Variants in HS6ST2 observed in about 807,000 individuals in gnomAD.
HS6ST2 encodes the protein heparan sulfate 6-O-sulfotransferase 2.
HS6ST2 carries 17 observed loss-of-function variants against 33.0 expected under a neutral mutation model. That is an observed-to-expected ratio of 0.52 (90% CI 0.35 to 0.77). The LOEUF (loss-of-function observed/expected upper bound fraction) is 0.77. HS6ST2 is among the 30% of genes least tolerant of loss of function. The pLI, the probability that HS6ST2 is intolerant of heterozygous loss-of-function variation, is 0.01. For missense variants in HS6ST2, 519 were observed against 551.7 expected (o/e 0.94, Z 0.59); for synonymous variants, 248 against 237.1 (o/e 1.05, Z -0.42).
At chrX:132,637,749 T>A (rs1346861413) in intron 4 of HS6ST2, among the ~76,000 whole-genome samples, 36 of 77,916 alleles carry the variant, frequency 4.6e-4, no homozygotes, top group Middle Eastern at 6.3e-3. Context: ...ATATAAAAAA[T>A]ATATATATAA....
chrX:132,937,825 T>C lies in HS6ST2; in HGVS notation c.947+18983A>G, dbSNP rs780358811. Reference sequence around the variant, plus strand: ...TAGGATTTGTCAAGAGAATGCGAGGTTGGCTTACTACCTGTGAGTAAATTA... The same window carrying C: ...TAGGATTTGTCAAGAGAATGCGAGGCTGGCTTACTACCTGTGAGTAAATTA... On this transcript the variant is annotated intron_variant, in intron 2 of 4. Transcript: ENST00000370833. 7.2e-5 allele frequency among the ~76,000 whole-genome samples: 8 copies of C among 110,989 alleles called. No homozygotes were observed. The South Asian group carries it at 2.7e-3, about 37-fold the overall frequency.
At chrX:132,868,582 C>A (rs113646151) in intron 2 of HS6ST2, among the ~76,000 whole-genome samples, 1 of 112,320 alleles carries the variant, frequency 8.9e-6, no homozygotes, top group African/African-American at 3.2e-5. Flanking sequence ...CAAACAGTCT[C>A]TCAGACCACA....
intron 2 of HS6ST2, among the ~76,000 whole-genome samples, chrX:132,949,702 AT>A (rs1315640596): frequency 9.0e-6 from 1 of 111,643 alleles, no homozygotes; most frequent in Non-Finnish European, 1.9e-5. Flanking sequence ...TATTGTTATT[AT>A]ATAAGTAATG....
In HS6ST2 at chrX:132,738,355, T is replaced by C. The variant is rs769209043; in HGVS notation, c.948-29861A>G. On this transcript the variant is annotated intron_variant, in intron 2 of 4. Coordinates refer to ENST00000370833, the MANE Select transcript of HS6ST2 (RefSeq NM_001394073.1). ...TCCTGCCTGTTGCTTTCCCATGACA[T>C]TGACAAATCCGAGTGGGTCTGTGAC... Among the ~76,000 whole-genome samples, 67 of 112,519 alleles carry C rather than the reference T, an allele frequency of 6.0e-4. 1 individual carries two copies. Among genetic ancestry groups the C allele is most frequent in the African/African-American group, 2.1e-3 (65 of 30,987 alleles).
At chrX:132,931,032 C>T (rs2066763298) in intron 2 of HS6ST2, among the ~76,000 whole-genome samples, 1 of 111,697 alleles carries the variant, frequency 9.0e-6, no homozygotes, top group Non-Finnish European at 1.9e-5. Flanking sequence ...CCCAGTAAAA[C>T]AACCATACCG....
At chrX:132,808,624 G>C (rs1405672280) in intron 2 of HS6ST2, 1 of 112,328 alleles carries the variant, frequency 8.9e-6, no homozygotes, top group African/African-American at 3.2e-5. Context: ...CTACCCACTA[G>C]AATAAGGAAG....
Position 132,958,628 on chromosome X carries a change from C to G in HS6ST2, c.-26G>C. The G allele has an allele frequency of 8.9e-7, 1 of 1,124,287 alleles. No individual in the cohort carries two copies. Among genetic ancestry groups the G allele is most frequent in the Non-Finnish European group, 1.2e-6 (1 of 845,890 alleles). The allele number at this position is 1,124,287 out of a possible 1,213,427, so 92.7% of individuals were successfully genotyped here. Reference sequence around the variant, plus strand: ...TCCCCCCTTCAGGCAACTCAGGGTACTAAGGATCACGAGCGAGCTTGAATT... The same window carrying G: ...TCCCCCCTTCAGGCAACTCAGGGTAGTAAGGATCACGAGCGAGCTTGAATT... On this transcript the variant is annotated 5_prime_UTR_variant, in exon 1 of 5. Coordinates refer to ENST00000370833, the MANE Select transcript of HS6ST2 (RefSeq NM_001394073.1).
At chrX:132,711,046 AGCCATAGGAAT>A (rs1221025281) in intron 2 of HS6ST2, among the ~76,000 whole-genome samples, 1 of 111,882 alleles carries the variant, frequency 8.9e-6, no homozygotes, top group African/African-American at 3.3e-5. Flanking sequence ...CTGGAGAAAA[AGCCATAGGAAT>A]AACCTTCCTC....
chrX:132,699,981 CT>C (rs1340775104), intron 3 of HS6ST2, among the ~76,000 whole-genome samples: 1 of 111,767 alleles, frequency 8.9e-6, no homozygotes, highest in African/African-American at 3.2e-5. Context: ...CATTAAAGAC[CT>C]ATTTATGCCA....
At chrX:132,655,419 A>T (rs1412035198) in intron 4 of HS6ST2, among the ~76,000 whole-genome samples, 1 of 112,035 alleles carries the variant, frequency 8.9e-6, no homozygotes, top group Non-Finnish European at 1.9e-5. Flanking sequence ...CTCAGTGAAC[A>T]TTCAAGGAAT....
chrX:132,786,613 T>A (rs1008362719), intron 2 of HS6ST2, among the ~76,000 whole-genome samples: 10 of 92,549 alleles, frequency 1.1e-4, no homozygotes, highest in African/African-American at 3.8e-4. Flanking sequence ...TTCCTGTCTT[T>A]GTTTCTATTA....
At chrX:132,934,802 C>A (rs2066807589) in intron 2 of HS6ST2, among the ~76,000 whole-genome samples, 1 of 111,031 alleles carries the variant, frequency 9.0e-6, no homozygotes, top group African/African-American at 3.3e-5. Flanking sequence ...TGAAACAATC[C>A]AATCAAAAGG....
At chrX:132,807,873 C>T (rs1020178703) in intron 2 of HS6ST2, among the ~76,000 whole-genome samples, 1 of 111,970 alleles carries the variant, frequency 8.9e-6, no homozygotes. Flanking sequence ...GGCTGGCATT[C>T]CCTCCAGAAG....
chrX:132,944,015 C>T (rs1405661536), intron 2 of HS6ST2, among the ~76,000 whole-genome samples: 5 of 111,057 alleles, frequency 4.5e-5, no homozygotes, highest in South Asian at 3.8e-4. Context: ...CCAGGGCAAT[C>T]AGGCAGGAGA....
At position 132,631,540 on chromosome X, in the gene HS6ST2, A is replaced by G. The variant is rs150933411; in HGVS notation, c.1068-2447T>C. ...GCTTTAGTACTCATCCATTCAGTGC[A>G]TACTTATTGAGCCTTTATGCTAGCC... On this transcript the variant is annotated intron_variant, in intron 4 of 4. Coordinates refer to ENST00000370833, the MANE Select transcript of HS6ST2 (RefSeq NM_001394073.1). 2.2e-3 allele frequency among the ~76,000 whole-genome samples: 245 copies of G among 110,486 alleles called. 1 individual carries two copies. The highest frequency in any genetic ancestry group is 7.7e-3 in the African/African-American group (233 of 30,220).
At chrX:132,695,792 T>C (rs2064100047) in intron 3 of HS6ST2, among the ~76,000 whole-genome samples, 1 of 112,073 alleles carries the variant, frequency 8.9e-6, no homozygotes, top group Non-Finnish European at 1.9e-5. Flanking sequence ...CACAAAAGTT[T>C]AAAAGTGGTT....
chrX:132,914,344 T>C (rs1339285050), intron 2 of HS6ST2, among the ~76,000 whole-genome samples: 1 of 111,383 alleles, frequency 9.0e-6, no homozygotes, highest in Non-Finnish European at 1.9e-5. Context: ...ACCTCCATAA[T>C]CTCCCTGTGA....
intron 2 of HS6ST2, among the ~76,000 whole-genome samples, chrX:132,818,053 T>A (rs2065412062): frequency 9.0e-6 from 1 of 111,508 alleles, no homozygotes; most frequent in Admixed American, 9.5e-5. Flanking sequence ...TTTTTGCATC[T>A]AGTTTGAAGG....
chrX:132,824,083 T>C (rs1179039256), intron 2 of HS6ST2, among the ~76,000 whole-genome samples: 1 of 110,736 alleles, frequency 9.0e-6, no homozygotes, highest in Non-Finnish European at 1.9e-5. Flanking sequence ...TATTGTGAAG[T>C]GGAATAGTCA....
Sources: gnomAD v4.1 joint callset for allele counts (sites outside exome capture counted in the v4.1 genomes callset) on GRCh38, gnomAD v4.1.1 for gene constraint, MANE v1.5 for transcripts, NCBI Gene and HGNC (gene_info 2026-07-23, HGNC 2026-07-21) for gene names.